UNC13B: variants seen among roughly 807,000 people sequenced by gnomAD.
The protein encoded by UNC13B is unc-13 homolog B, also known as protein unc-13 homolog B.
UNC13B carries 144 observed loss-of-function variants against 211.0 expected under a neutral mutation model. The ratio of observed to expected loss-of-function variants is 0.68; its 90% CI spans 0.60 to 0.78. The LOEUF (loss-of-function observed/expected upper bound fraction) is 0.78. UNC13B is among the 30% of genes least tolerant of loss of function. The pLI is 0.00. For synonymous variants in UNC13B, 709 were observed against 725.8 expected (o/e 0.98, Z 0.37); for missense variants, 1,777 against 2,002.0 (o/e 0.89, Z 2.14).
chr9:35,263,596 A>AGT (rs138587166), intron 7 of UNC13B, among the ~76,000 whole-genome samples: 41 of 152,020 alleles, frequency 2.7e-4, no homozygotes, highest in Non-Finnish European at 4.9e-4. Context: ...TAAAACCCTC[A>AGT]GTGTGTGTGT....
At chr9:35,398,797 T>C in intron 32 of UNC13B, 85 bp from the exon 33 acceptor site, 1 of 1,577,514 alleles carries the variant, frequency 6.3e-7, no homozygotes, top group Non-Finnish European at 8.6e-7. Flanking sequence ...CATGAGCATA[T>C]GGGAATGGGA....
chr9:35,377,329 G>A (rs1417780278), intron 15 of UNC13B, 139 bp from the exon 16 acceptor site: 5 of 801,258 alleles, frequency 6.2e-6, no homozygotes, highest in South Asian at 3.7e-5. Flanking sequence ...GTGCCAGAGG[G>A]CCCTTGCTTA....
intron 1 of UNC13B, among the ~76,000 whole-genome samples, chr9:35,214,456 C>G (rs1824145474): frequency 6.6e-6 from 1 of 151,638 alleles, no homozygotes; most frequent in Non-Finnish European, 1.5e-5. Context: ...ACAACAACAA[C>G]AAGAACAAAA....
chr9:35,260,446 A>G (rs1407306271), intron 7 of UNC13B, among the ~76,000 whole-genome samples: 1 of 152,184 alleles, frequency 6.6e-6, no homozygotes, highest in Non-Finnish European at 1.5e-5. Context: ...ATATTCAAAC[A>G]CAGAAAATCT....
At chr9:35,225,782 G>C (rs1046447839) in intron 1 of UNC13B, among the ~76,000 whole-genome samples, 8 of 152,118 alleles carry the variant, frequency 5.3e-5, no homozygotes, top group African/African-American at 1.9e-4. Context: ...TGGCATTCTA[G>C]GAATGCCAGT....
chr9:35,182,387 A>C (rs1194666456), intron 1 of UNC13B, among the ~76,000 whole-genome samples: 1 of 151,836 alleles, frequency 6.6e-6, no homozygotes, highest in Non-Finnish European at 1.5e-5. Flanking sequence ...CCTTTTTAAA[A>C]TTTAGAAACT....
intron 1 of UNC13B, among the ~76,000 whole-genome samples, chr9:35,190,905 G>A (rs903694885): frequency 6.6e-6 from 1 of 152,190 alleles, no homozygotes; most frequent in Non-Finnish European, 1.5e-5. Context: ...CCTCACAGGT[G>A]AGACCAACAA....
chr9:35,219,171 G>T (rs928505221), intron 1 of UNC13B, among the ~76,000 whole-genome samples: 1 of 152,178 alleles, frequency 6.6e-6, no homozygotes, highest in African/African-American at 2.4e-5. Context: ...TATTTAGTGT[G>T]TGTAGGCCGA....
At chr9:35,337,638 C>G (rs1419251701) in intron 11 of UNC13B, among the ~76,000 whole-genome samples, 1 of 152,200 alleles carries the variant, frequency 6.6e-6, no homozygotes, top group Non-Finnish European at 1.5e-5. Context: ...AATTCAGTAC[C>G]TCATATCAGA....
chr9:35,400,339 T>C lies in UNC13B; in HGVS notation c.12380T>C (p.Leu4127Pro). 1 of 1,614,164 alleles carries C rather than the reference T, an allele frequency of 6.2e-7. No homozygotes were observed. Among genetic ancestry groups the C allele is most frequent in the Non-Finnish European group, 8.5e-7 (1 of 1,180,008 alleles). ...GGCAATGGGCTGAAGAAAACCTTCC[T>C]GGAGAAGAGCCCAGATCTGCAGTCT... ...AGGNGLKKTF[L>P]EKSPDLQSLR... is the part of the protein sequence containing the mutation. Residue 4127 changes from leucine (L) to proline (P), a missense_variant, in exon 37 of 40, where the codon CTG becomes CCG. Transcript: ENST00000635942.
intron 7 of UNC13B, 61 bp downstream of exon 7, chr9:35,259,111 C>G: frequency 1.3e-6 from 2 of 1,553,856 alleles, no homozygotes; most frequent in Non-Finnish European, 1.8e-6. Context: ...CTTCTCTGAA[C>G]ATGGGTTATT....
chr9:35,207,033 CA>C (rs1307584195), intron 1 of UNC13B, among the ~76,000 whole-genome samples: 2 of 152,062 alleles, frequency 1.3e-5, no homozygotes, highest in African/African-American at 2.4e-5. Context: ...TCCTGTGTGG[CA>C]TATTTCTGTG....
intron 1 of UNC13B, among the ~76,000 whole-genome samples, chr9:35,199,110 G>A (rs566369597): frequency 8.5e-5 from 13 of 152,124 alleles, no homozygotes; most frequent in Admixed American, 5.9e-4. Context: ...TTCTGTCCTC[G>A]GGATAGTTTG....
intron 13 of UNC13B, among the ~76,000 whole-genome samples, 161 bp downstream of exon 13, chr9:35,370,557 G>T (rs1834053989): frequency 6.6e-6 from 1 of 152,238 alleles, no homozygotes; most frequent in Admixed American, 6.5e-5. Context: ...GCTTCACAGG[G>T]ACTGTGTTCT....
rs11793140 is a variant in UNC13B at position 35,343,954 on chromosome 9, A to T, written c.9415-22993A>T. Among the ~76,000 whole-genome samples the T allele has an allele frequency of 6.1e-3, 932 of 152,232 alleles. 3 individuals carry two copies. Among genetic ancestry groups the T allele is most frequent in the Non-Finnish European group, 0.011 (725 of 68,024 alleles). ...AATAATACTTTGGCTATTGGGTTAGATAAAATATATTAAAATTAATTCTAC... is the reference window on the plus strand; with the variant it reads ...AATAATACTTTGGCTATTGGGTTAGTTAAAATATATTAAAATTAATTCTAC... On this transcript the variant is annotated intron_variant, in intron 11 of 39. Coordinates refer to ENST00000635942, the MANE Select transcript of UNC13B (RefSeq NM_001371189.2).
chr9:35,284,938 GTGTTT>G, intron 7 of UNC13B, among the ~76,000 whole-genome samples: 1 of 152,176 alleles, frequency 6.6e-6, no homozygotes, highest in East Asian at 1.9e-4. Context: ...TTGCCTGGGG[GTGTTT>G]TGTTTGATAA....
chr9:35,238,029 C>G (rs1011275633), intron 5 of UNC13B, among the ~76,000 whole-genome samples: 1 of 152,176 alleles, frequency 6.6e-6, no homozygotes, highest in Non-Finnish European at 1.5e-5. Flanking sequence ...AGAATCTACA[C>G]TAAAAAGCAT....
rs1422886560 is a variant in UNC13B at position 35,400,433 on chromosome 9, G to C, written c.12474G>C (p.Gln4158His). 1.2e-6 allele frequency: 2 copies of C among 1,613,142 alleles called. No homozygotes were observed. Among genetic ancestry groups the C allele is most frequent in the African/African-American group, 2.7e-5 (2 of 74,912 alleles). The change falls in exon 37 of 40, where the codon CAG (glutamine) becomes CAC (histidine). Residue 4158 changes from glutamine (Q) to histidine (H), a missense_variant. Transcript: ENST00000635942. ...TCATCAAGACCTTTGTGCGCTCGCA[G>C]ACCACCCAAGGTAAGGCCCTGAGGG... The part of the protein sequence containing the change: ...DTLIKTFVRS[Q>H]TTQGSGVDDP...
In UNC13B at chr9:35,341,888, T is replaced by G. The variant is rs979445809; in HGVS notation, c.9415-25059T>G. ...AGCAGGAGCAGGAGCTGCCCTGCTT[T>G]CTGCCTCAGTCTCAAAGCCCAGAAT... On this transcript the variant is annotated intron_variant, in intron 11 of 39. Coordinates refer to ENST00000635942, the MANE Select transcript of UNC13B (RefSeq NM_001371189.2). 4 of 982,772 alleles carry G rather than the reference T, an allele frequency of 4.1e-6. No homozygotes were observed. In the African/African-American group the frequency reaches 7.0e-5, roughly 17 times the overall value. 60.9% of individuals were successfully genotyped at this position (982,772 alleles called of 1,614,324 possible). A position where few individuals can be genotyped will look rare whatever the true frequency, so the allele number is the denominator to read the frequency against.
Sources: allele counts gnomAD v4.1 joint callset (sites outside exome capture counted in the v4.1 genomes callset), GRCh38; gene constraint gnomAD v4.1.1; transcripts MANE v1.5; gene names NCBI Gene and HGNC (gene_info 2026-07-23, HGNC 2026-07-21).